Variants in DMPK observed in about 807,000 individuals in gnomAD.
DMPK encodes the protein myotonin-protein kinase.
DMPK carries 32 observed loss-of-function variants against 70.3 expected under a neutral mutation model. The observed-to-expected ratio is 0.46, with a 90% CI of 0.34 to 0.61. The LOEUF is 0.61. Among genes scored for constraint, DMPK ranks in the 20% least tolerant of loss-of-function variants. The pLI is 0.01. For synonymous variants in DMPK, 469 were observed against 390.9 expected (o/e 1.20, Z -2.36); for missense variants, 899 against 886.0 (o/e 1.01, Z -0.19).
chr19:45,770,673 T>G (rs745749923), intron 14 of DMPK, 33 bp from the exon 15 acceptor site: 1 of 1,546,300 alleles, frequency 6.5e-7, no homozygotes, highest in African/African-American at 1.4e-5. Context: ...ACACCCGGCA[T>G]GGGCCTCTGA....
Position 45,771,656 on chromosome 19 carries a change from G to A in DMPK, c.1512C>T (p.Arg504=), listed in dbSNP as rs749635716. Reference sequence around the variant, plus strand: ...GGTCCCGGTTCCGAGCCTCTGCCTCGCGTAGTTGACTGTGGGGAGGTAAGG... The same window carrying A: ...GGTCCCGGTTCCGAGCCTCTGCCTCACGTAGTTGACTGTGGGGAGGTAAGG... ...TDNQNFASQL[R]EAEARNRDLE... Residue 504 remains arginine, a synonymous_variant, in exon 12 of 15, where the codon CGC becomes CGT. Transcript: ENST00000291270. 14 of 1,613,936 alleles carry A rather than the reference G, an allele frequency of 8.7e-6. No individual in the cohort carries two copies. The highest frequency in any genetic ancestry group is 2.2e-5 in the South Asian group (2 of 91,086).
In DMPK at chr19:45,782,379, C is replaced by T; in HGVS notation, c.-27G>A. On this transcript the variant is annotated 5_prime_UTR_variant, in exon 1 of 15. Coordinates refer to ENST00000291270, the MANE Select transcript of DMPK (RefSeq NM_004409.5). ...TTGGACAGGCAGCACCATGGCCCCT[C>T]CCCGGGCCGGGGGCTCGGGGTCCTC... 1 of 1,531,188 alleles carries T rather than the reference C, an allele frequency of 6.5e-7. No individual in the cohort carries two copies. The highest frequency in any genetic ancestry group is 8.8e-7 in the Non-Finnish European group (1 of 1,138,056). The allele number at this position is 1,531,188 out of a possible 1,614,324, so 94.9% of individuals were successfully genotyped here. A position where few individuals can be genotyped will look rare whatever the true frequency, so the allele number is the denominator to read the frequency against.
chr19:45,770,842 G>T (rs1021110007), intron 14 of DMPK, 129 bp downstream of exon 14: 60 of 975,772 alleles, frequency 6.1e-5, no homozygotes, highest in African/African-American at 8.4e-5. Context: ...GGCCTGTGTT[G>T]ATTGGCTGCC....
intron 1 of DMPK, chr19:45,780,369 C>G: frequency 6.7e-7 from 1 of 1,490,944 alleles, no homozygotes; most frequent in Non-Finnish European, 9.0e-7. Flanking sequence ...TTTGGAAAAC[C>G]CTGGATTTGG....
intron 9 of DMPK, 40 bp downstream of exon 9, chr19:45,774,909 A>T: frequency 6.6e-7 from 1 of 1,525,590 alleles, no homozygotes; most frequent in Non-Finnish European, 9.1e-7. Context: ...AAGCTCAAGC[A>T]GCCTCGTGGC....
intron 8 of DMPK, 125 bp from the exon 9 acceptor site, chr19:45,775,159 A>G (rs1969711528): frequency 1.4e-6 from 1 of 697,700 alleles, no homozygotes; most frequent in South Asian, 1.7e-5. Flanking sequence ...TGGCCCCTCC[A>G]GCATTTTTTC....
At chr19:45,780,526 A>G in intron 1 of DMPK, 1 of 1,070,488 alleles carries the variant, frequency 9.3e-7, no homozygotes, top group Non-Finnish European at 1.1e-6. Flanking sequence ...CAGGCCTCTC[A>G]GAAGTCAAGG....
rs576259794 is a variant in DMPK, at chr19:45,770,369, G to A, written c.*119C>T. 1,314 of 1,330,502 alleles carry A rather than the reference G, an allele frequency of 9.9e-4. 2 individuals carry two copies. Among genetic ancestry groups the A allele is most frequent in the Non-Finnish European group, 1.3e-3 (1,220 of 951,350 alleles). The allele number at this position is 1,330,502 out of a possible 1,614,324, so 82.4% of individuals were successfully genotyped here. A position where few individuals can be genotyped will look rare whatever the true frequency, so the allele number is the denominator to read the frequency against. On this transcript the variant is annotated 3_prime_UTR_variant, in exon 15 of 15. Coordinates refer to ENST00000291270, the MANE Select transcript of DMPK (RefSeq NM_004409.5). The stretch of plus-strand genomic sequence containing the variant: ...GGGCCCGGATCACAGGACTGGAGCT[G>A]GGCGGAGACCCACGCTCGGAGCGGT...
rs1341727746 is a variant in DMPK at position 45,770,082 on chromosome 19, G to A, written c.*406C>T. The A allele has an allele frequency of 1.9e-6, 1 of 528,962 alleles. No homozygotes were observed. Among genetic ancestry groups the A allele is most frequent in the South Asian group, 1.9e-5 (1 of 53,856 alleles). The allele number at this position is 528,962 out of a possible 1,614,324, so 32.8% of individuals were successfully genotyped here. A position where few individuals can be genotyped will look rare whatever the true frequency, so the allele number is the denominator to read the frequency against. On this transcript the variant is annotated 3_prime_UTR_variant, in exon 15 of 15. Coordinates refer to ENST00000291270, the MANE Select transcript of DMPK (RefSeq NM_004409.5). ...CTTTGCACTTTGCGAACCAACGATAGGTGGGGGTGCGTGGAGGATGGAACA... is the reference window on the plus strand; with the variant it reads ...CTTTGCACTTTGCGAACCAACGATAAGTGGGGGTGCGTGGAGGATGGAACA...
intron 1 of DMPK, 197 bp from the exon 2 acceptor site, chr19:45,780,066 G>T: frequency 6.6e-7 from 1 of 1,518,126 alleles, no homozygotes. Flanking sequence ...CCATAGAGGT[G>T]AGATGCCTGA....
chr19:45,777,221 G>A lies in DMPK; in HGVS notation c.1146+106C>T. 7.1e-7 allele frequency: 1 copy of A among 1,410,592 alleles called. No individual in the cohort carries two copies. The highest frequency in any genetic ancestry group is 2.5e-5 in the East Asian group (1 of 39,884). The allele number at this position is 1,410,592 out of a possible 1,614,324, so 87.4% of individuals were successfully genotyped here. On this transcript the variant is annotated intron_variant, in intron 8 of 14. Transcript: ENST00000291270. This position sits in a 1 kb window ranked among gnomAD's most constrained non-coding sequence, Gnocchi z 6.7. ...ATGGGCACAGAGCAGGTGCTCTGGG[G>A]AATGAGTGATTCAGGACCCCAGAAG...
Position 45,771,075 on chromosome 19 carries a change from G to A in DMPK, c.1648-15C>T, listed in dbSNP as rs937735649. On this transcript the variant is annotated splice_polypyrimidine_tract_variant and intron_variant, in intron 13 of 14. Transcript: ENST00000291270. Reference sequence around the variant, plus strand: ...GGGCCATCTAGCTGGAGAGAGAAGGGACAGGTGACCCGATCGGAGCCCAGC... The same window carrying A: ...GGGCCATCTAGCTGGAGAGAGAAGGAACAGGTGACCCGATCGGAGCCCAGC... The A allele has an allele frequency of 2.0e-6, 3 of 1,524,288 alleles. No homozygotes were observed. Among genetic ancestry groups the A allele is most frequent in the Non-Finnish European group, 2.6e-6 (3 of 1,134,224 alleles). The allele number at this position is 1,524,288 out of a possible 1,614,324, so 94.4% of individuals were successfully genotyped here.
intron 9 of DMPK, among the ~76,000 whole-genome samples, chr19:45,773,845 G>A (rs1969617148): frequency 1.3e-5 from 2 of 151,862 alleles, no homozygotes; most frequent in African/African-American, 4.8e-5. Flanking sequence ...GTCTCATTAT[G>A]TTGCTCAGGC....
At chr19:45,770,922 T>TTCAG in intron 14 of DMPK, 49 bp downstream of exon 14, 1 of 1,285,756 alleles carries the variant, frequency 7.8e-7, no homozygotes. Flanking sequence ...AAGGGGCGGG[T>TTCAG]GGAGCGCGGG....
chr19:45,771,917 TGCCACTTCA>T lies in DMPK; in HGVS notation c.1347_1355del (p.Glu450_Ala452del). ...CTGCCGCAGGGACAGCCGCTGGAAC[TGCCACTTCA>T]GCCTGTGTATGGGGACCAGGCTTAA... On this transcript the variant is annotated inframe_deletion and splice_region_variant, in exon 11 of 15. Coordinates refer to ENST00000291270, the MANE Select transcript of DMPK (RefSeq NM_004409.5). The T allele has an allele frequency of 6.3e-7, 1 of 1,596,284 alleles. No individual in the cohort carries two copies. Among genetic ancestry groups the T allele is most frequent in the Non-Finnish European group, 8.5e-7 (1 of 1,171,256 alleles).
At position 45,769,813 on chromosome 19, in the gene DMPK, G is replaced by T. The variant is rs1484528534; in HGVS notation, c.*675C>A. The T allele has an allele frequency of 4.6e-6, 1 of 215,262 alleles. No homozygotes were observed. The highest frequency in any genetic ancestry group is 9.5e-6 in the Non-Finnish European group (1 of 105,694). The allele number at this position is 215,262 out of a possible 1,614,324, so 13.3% of individuals were successfully genotyped here. Reference sequence around the variant, plus strand: ...TACCGAGGAATGTCGGGGTCTCAGTGCATCCAAAACGTGGATTGGGGTTGT... The same window carrying T: ...TACCGAGGAATGTCGGGGTCTCAGTTCATCCAAAACGTGGATTGGGGTTGT... On this transcript the variant is annotated 3_prime_UTR_variant, in exon 15 of 15. Coordinates refer to ENST00000291270, the MANE Select transcript of DMPK (RefSeq NM_004409.5).
intron 10 of DMPK, 120 bp from the exon 11 acceptor site, chr19:45,772,048 T>C: frequency 7.6e-6 from 10 of 1,318,188 alleles, no homozygotes; most frequent in Non-Finnish European, 1.0e-5. Context: ...TCAACATTTC[T>C]GGAATCCCCA....
Position 45,771,940 on chromosome 19 carries a change from G to T in DMPK, c.1345-12C>A, listed in dbSNP as rs370875536. 6 of 1,580,442 alleles carry T rather than the reference G, an allele frequency of 3.8e-6. No individual in the cohort carries two copies. In the African/African-American group the frequency reaches 6.7e-5, roughly 18 times the overall value. On this transcript the variant is annotated splice_polypyrimidine_tract_variant and intron_variant, in intron 10 of 14. Transcript: ENST00000291270. ...ACTGCCACTTCAGCCTGTGTATGGG[G>T]ACCAGGCTTAAGGCTGCCTGTGGCT...
Position 45,777,755 on chromosome 19 carries a change from C to A in DMPK, c.794G>T (p.Gly265Val), listed in dbSNP as rs1314444760. 1.2e-6 allele frequency: 2 copies of A among 1,613,300 alleles called. No homozygotes were observed. The highest frequency in any genetic ancestry group is 2.7e-5 in the African/African-American group (2 of 74,928). The change falls in exon 7 of 15, where the codon GGT (glycine) becomes GTT (valine). Residue 265 changes from glycine to valine, a missense_variant. Transcript: ENST00000291270. The surrounding 1 kb of genome is among the most constrained non-coding windows in gnomAD (Gnocchi z 6.7). ...YGPECDWWALGVFAYEMFYGQ... is the reference protein window; with the variant it reads ...YGPECDWWALVVFAYEMFYGQ... ...ATAGAACATTTCATAGGCGAATACA[C>A]CCAGCGCCCACCAGTCACACTCGGG...
Sources: gnomAD v4.1 joint callset for allele counts (sites outside exome capture counted in the v4.1 genomes callset) on GRCh38, gnomAD v4.1.1 for gene constraint, Gnocchi (gnomAD v3.1) non-coding constraint, MANE v1.5 for transcripts, NCBI Gene and HGNC (gene_info 2026-07-23, HGNC 2026-07-21) for gene names.